The following ADAM12 variants were observed in gnomAD, a reference collection of about 807,000 sequenced individuals.
ADAM12 encodes the protein disintegrin and metalloproteinase domain-containing protein 12.
In ADAM12, 70 loss-of-function variants were observed where a neutral mutation model predicts 106.4. The ratio of observed to expected loss-of-function variants is 0.66; its 90% CI spans 0.54 to 0.80. The LOEUF (loss-of-function observed/expected upper bound fraction) is 0.80, where lower values mean the gene tolerates loss of function less well. Ranked by LOEUF, ADAM12 falls within the 30% of genes least tolerant of loss-of-function variation. The probability of loss-of-function intolerance (pLI) is 0.00; values close to 1 mark genes in which losing one functional copy is unlikely to be tolerated. For synonymous variants in ADAM12, 420 were observed against 433.5 expected, an observed-to-expected ratio of 0.97 and a Z score of 0.39; for missense variants, 1,010 against 1,171.9, an observed-to-expected ratio of 0.86 and a Z score of 2.02.
At chr10:126,196,264 G>A (rs1043267911) in intron 3 of ADAM12, among the ~76,000 whole-genome samples, 1 of 152,220 alleles carries the variant, frequency 6.6e-6, no homozygotes, top group Non-Finnish European at 1.5e-5. Context: ...AATGGCAAGT[G>A]ATATCTGTCA....
rs537559683 is a variant in ADAM12, at chr10:126,269,646, C to A, written c.260+9269G>T. ...ACCTCCTGGGAAGAGCCAGGACAGC[C>A]ATTACTGTCCTCTTGGGATACAGAG... On this transcript the variant is annotated intron_variant, in intron 3 of 22. Coordinates refer to ENST00000448723, the MANE Select transcript of ADAM12 (RefSeq NM_001288973.2). 2.0e-5 allele frequency among the ~76,000 whole-genome samples: 3 copies of A among 152,262 alleles called. No individual in the cohort carries two copies. The South Asian group carries it at 6.2e-4, about 32-fold the overall frequency.
At chr10:126,194,278 C>CAA (rs35778124) in intron 3 of ADAM12, among the ~76,000 whole-genome samples, 645 of 55,862 alleles carry the variant, frequency 0.012, 4 homozygotes, top group Middle Eastern at 0.022. Context: ...TTCATATGCT[C>CAA]AAAAAAAAAA....
intron 3 of ADAM12, among the ~76,000 whole-genome samples, chr10:126,278,381 C>G (rs1372079414): frequency 2.0e-5 from 3 of 151,950 alleles, no homozygotes; most frequent in Non-Finnish European, 4.4e-5. Context: ...TCCAAGCGGC[C>G]CAGAAAAAGC....
chr10:126,197,921 G>A (rs1789581734), intron 3 of ADAM12, among the ~76,000 whole-genome samples: 1 of 152,190 alleles, frequency 6.6e-6, no homozygotes, highest in African/African-American at 2.4e-5. Flanking sequence ...TCTCCACCAC[G>A]CATGGGGTGA....
At chr10:126,272,478 A>G (rs1959182832) in intron 3 of ADAM12, among the ~76,000 whole-genome samples, 2 of 152,210 alleles carry the variant, frequency 1.3e-5, no homozygotes, top group African/African-American at 4.8e-5. Flanking sequence ...TGTCTTAATT[A>G]GCTTTATTAA....
At chr10:126,241,079 T>C (rs1199829487) in intron 3 of ADAM12, among the ~76,000 whole-genome samples, 1 of 152,184 alleles carries the variant, frequency 6.6e-6, no homozygotes, top group Non-Finnish European at 1.5e-5. Context: ...ACAACATGGA[T>C]GAACCTGAAA....
At chr10:126,276,797 T>A (rs1959269712) in intron 3 of ADAM12, among the ~76,000 whole-genome samples, 1 of 152,230 alleles carries the variant, frequency 6.6e-6, no homozygotes, top group African/African-American at 2.4e-5. Context: ...TGAGATTATC[T>A]CATGAAAGAC....
In ADAM12 at chr10:126,064,732, A is replaced by G; in HGVS notation, c.1609+74T>C. On this transcript the variant is annotated intron_variant, in intron 14 of 22. Coordinates refer to ENST00000448723, the MANE Select transcript of ADAM12 (RefSeq NM_001288973.2). This position sits in a 1 kb window ranked among gnomAD's most constrained non-coding sequence, Gnocchi z 4.4. ...CAGGAGTGGGGGCTAACCAAAACAG[A>G]GCACATGCCCCCAGTCCCACAGCCC... The G allele has an allele frequency of 1.4e-6, 2 of 1,462,374 alleles. No individual in the cohort carries two copies. Among genetic ancestry groups the G allele is most frequent in the African/African-American group, 1.4e-5 (1 of 71,990 alleles). 90.6% of individuals were successfully genotyped at this position (1,462,374 alleles called of 1,614,324 possible).
At chr10:126,085,151 C>T (rs1955312565) in intron 11 of ADAM12, among the ~76,000 whole-genome samples, 1 of 152,290 alleles carries the variant, frequency 6.6e-6, no homozygotes. Context: ...GTTTCCCTCA[C>T]CCAGGTCTCC....
intron 1 of ADAM12, among the ~76,000 whole-genome samples, chr10:126,334,385 G>A (rs182506981): frequency 5.9e-5 from 9 of 152,242 alleles, no homozygotes; most frequent in Non-Finnish European, 8.8e-5. Flanking sequence ...TTGCCACTGC[G>A]TAACCTGATA....
intron 2 of ADAM12, among the ~76,000 whole-genome samples, chr10:126,310,218 T>C (rs542236187): frequency 6.7e-6 from 1 of 149,550 alleles, no homozygotes; most frequent in African/African-American, 2.5e-5. Context: ...GGTCCAGAGA[T>C]GCAATGCAGT....
intron 13 of ADAM12, among the ~76,000 whole-genome samples, chr10:126,065,214 C>G (rs1400023060): frequency 6.6e-6 from 1 of 152,160 alleles, no homozygotes; most frequent in African/African-American, 2.4e-5. Context: ...GTGGGACAAC[C>G]AAGAGCAGCC....
chr10:126,266,422 T>A (rs191165719), intron 3 of ADAM12, among the ~76,000 whole-genome samples: 2 of 152,242 alleles, frequency 1.3e-5, no homozygotes, highest in East Asian at 3.9e-4. Flanking sequence ...AGGAAGCTGC[T>A]TGCAGGAAGG....
Position 126,119,237 on chromosome 10 carries a change from C to T in ADAM12, c.417-1013G>A, listed in dbSNP as rs554070787. Among the ~76,000 whole-genome samples the T allele has an allele frequency of 9.2e-5, 14 of 152,268 alleles. No homozygotes were observed. In the South Asian group the frequency reaches 2.9e-3, roughly 32 times the overall value. ...ACGCTGCAAGGGTGGCCTCTGGAGTCTGGAAGCTCTGGGTTTGAGTTCCAG... is the reference window on the plus strand; with the variant it reads ...ACGCTGCAAGGGTGGCCTCTGGAGTTTGGAAGCTCTGGGTTTGAGTTCCAG... On this transcript the variant is annotated intron_variant, in intron 5 of 22. Coordinates refer to ENST00000448723, the MANE Select transcript of ADAM12 (RefSeq NM_001288973.2).
chr10:126,256,796 G>T (rs536698582), intron 3 of ADAM12, among the ~76,000 whole-genome samples: 1 of 152,274 alleles, frequency 6.6e-6, no homozygotes, highest in Non-Finnish European at 1.5e-5. Context: ...GAGATAGTAG[G>T]TTTATCCAGA....
Position 126,043,418 on chromosome 10 carries a change from C to T in ADAM12, c.1996-270G>A, listed in dbSNP as rs1954231017. 6.6e-6 allele frequency among the ~76,000 whole-genome samples: 1 copy of T among 152,174 alleles called. No individual in the cohort carries two copies. Among genetic ancestry groups the T allele is most frequent in the Non-Finnish European group, 1.5e-5 (1 of 68,028 alleles). ...GGGTTCATCAGCTTGCCTCCCCCAC[C>T]CACCTCACTTCCTTCTCCATCTCCC... On this transcript the variant is annotated intron_variant, in intron 17 of 22. Coordinates refer to ENST00000448723, the MANE Select transcript of ADAM12 (RefSeq NM_001288973.2). This position sits in a 1 kb window ranked among gnomAD's most constrained non-coding sequence, Gnocchi z 4.1.
chr10:126,068,995 C>A (rs560269453), intron 12 of ADAM12, among the ~76,000 whole-genome samples: 1 of 152,238 alleles, frequency 6.6e-6, no homozygotes, highest in South Asian at 2.1e-4. Context: ...AGTTGTTTTT[C>A]GGATCCCATT....
At chr10:126,152,102 CTG>C (rs1268205262) in intron 4 of ADAM12, among the ~76,000 whole-genome samples, 1 of 150,804 alleles carries the variant, frequency 6.6e-6, no homozygotes, top group East Asian at 1.9e-4. Flanking sequence ...ATCTCCCACT[CTG>C]TGAATGTGTC....
At chr10:126,209,214 T>C (rs1957855024) in intron 3 of ADAM12, among the ~76,000 whole-genome samples, 1 of 152,226 alleles carries the variant, frequency 6.6e-6, no homozygotes, top group African/African-American at 2.4e-5. Context: ...TGTAGACTGT[T>C]CACATCTTGA....
Sources: allele counts gnomAD v4.1 joint callset (sites outside exome capture counted in the v4.1 genomes callset), GRCh38; gene constraint gnomAD v4.1.1; non-coding constraint Gnocchi (gnomAD v3.1); transcripts MANE v1.5; gene names NCBI Gene and HGNC (gene_info 2026-07-23, HGNC 2026-07-21).